B3GALT1: variants seen among roughly 807,000 people sequenced by gnomAD.
B3GALT1 encodes the protein beta-1,3-galactosyltransferase 1, also known as UDP-Gal:betaGlcNAc beta 1,3-galactosyltransferase, polypeptide 1.
A neutral mutation model predicts 23.2 loss-of-function variants in B3GALT1; 10 were observed. The ratio of observed to expected loss-of-function variants is 0.43; its 90% CI spans 0.27 to 0.73. The LOEUF (loss-of-function observed/expected upper bound fraction) is 0.73, where lower values mean the gene tolerates loss of function less well. B3GALT1 is among the 30% of genes least tolerant of loss of function. The probability of loss-of-function intolerance (pLI) is 0.21; values close to 1 mark genes in which losing one functional copy is unlikely to be tolerated. For missense variants in B3GALT1, 299 were observed against 405.4 expected (o/e 0.74, Z 2.25); for synonymous variants, 156 against 141.5 (o/e 1.10, Z -0.73).
At chr2:167,452,100 G>A (rs150584238) in intron 1 of B3GALT1, among the ~76,000 whole-genome samples, 1 of 152,180 alleles carries the variant, frequency 6.6e-6, no homozygotes, top group Non-Finnish European at 1.5e-5. Context: ...CCGGGCTACC[G>A]GTTTCCCAGC....
intron 1 of B3GALT1, among the ~76,000 whole-genome samples, chr2:167,389,255 T>C (rs1294291426): frequency 6.6e-6 from 1 of 152,226 alleles, no homozygotes; most frequent in Non-Finnish European, 1.5e-5. Flanking sequence ...TTCAGTATCA[T>C]AGTTCTTAAA....
intron 3 of B3GALT1, among the ~76,000 whole-genome samples, chr2:167,667,954 A>T (rs915954714): frequency 1.3e-5 from 2 of 152,180 alleles, no homozygotes; most frequent in Middle Eastern, 3.2e-3. Flanking sequence ...AGCTTGTCAA[A>T]GTCATTCTCC....
intron 3 of B3GALT1, among the ~76,000 whole-genome samples, chr2:167,670,222 A>AGAG (rs1338824367): frequency 6.6e-6 from 1 of 152,204 alleles, no homozygotes; most frequent in Non-Finnish European, 1.5e-5. Context: ...GGAACACTTC[A>AGAG]GAGCACTACC....
intron 2 of B3GALT1, among the ~76,000 whole-genome samples, chr2:167,561,880 A>C (rs951853354): frequency 6.6e-6 from 1 of 152,242 alleles, no homozygotes; most frequent in Non-Finnish European, 1.5e-5. Flanking sequence ...CAGAGGTACA[A>C]GGAGGAACTG....
At chr2:167,434,689 G>A (rs1204156779) in intron 1 of B3GALT1, among the ~76,000 whole-genome samples, 1 of 149,868 alleles carries the variant, frequency 6.7e-6, no homozygotes, top group Non-Finnish European at 1.5e-5. Flanking sequence ...TGTCTCTAAA[G>A]CATAACTTAA....
chr2:167,650,803 C>T (rs1457241327), intron 3 of B3GALT1, among the ~76,000 whole-genome samples: 1 of 152,104 alleles, frequency 6.6e-6, no homozygotes, highest in East Asian at 1.9e-4. Flanking sequence ...TTTCTTCTTC[C>T]ATCTTCAAAG....
At chr2:167,455,261 G>A (rs1178728268) in intron 1 of B3GALT1, among the ~76,000 whole-genome samples, 2 of 152,280 alleles carry the variant, frequency 1.3e-5, no homozygotes, top group East Asian at 1.9e-4. Flanking sequence ...CAACTGGAAC[G>A]AGATTAGCTT....
chr2:167,559,773 T>C (rs950179894), intron 2 of B3GALT1, among the ~76,000 whole-genome samples: 4 of 151,992 alleles, frequency 2.6e-5, no homozygotes, highest in African/African-American at 7.2e-5. Flanking sequence ...TAAAAAGAAA[T>C]GAACAAAGCC....
intron 4 of B3GALT1, among the ~76,000 whole-genome samples, chr2:167,838,403 A>T (rs1383962506): frequency 6.6e-6 from 1 of 152,304 alleles, no homozygotes; most frequent in East Asian, 1.9e-4. Context: ...AAACACCTCT[A>T]CGGAAATAAA....
At chr2:167,565,108 A>C (rs1407403211) in intron 2 of B3GALT1, among the ~76,000 whole-genome samples, 1 of 152,206 alleles carries the variant, frequency 6.6e-6, no homozygotes, top group Non-Finnish European at 1.5e-5. Context: ...TTCAAACCAT[A>C]CTACAAGGCT....
intron 3 of B3GALT1, among the ~76,000 whole-genome samples, chr2:167,664,433 T>A (rs1229384629): frequency 2.0e-5 from 3 of 152,102 alleles, no homozygotes; most frequent in Middle Eastern, 3.4e-3. Context: ...TAGGATTGAC[T>A]TGGCAATGCG....
chr2:167,534,457 C>T (rs182314223), intron 2 of B3GALT1, among the ~76,000 whole-genome samples: 4 of 152,210 alleles, frequency 2.6e-5, no homozygotes, highest in East Asian at 3.9e-4. Context: ...AATTTGTTCA[C>T]GGTTTGCCCT....
intron 1 of B3GALT1, among the ~76,000 whole-genome samples, chr2:167,342,600 AAAG>A (rs1404851719): frequency 2.9e-4 from 44 of 151,394 alleles, no homozygotes; most frequent in African/African-American, 1.0e-3. Flanking sequence ...AAAAAAAAAA[AAAG>A]AAAAAAAAAC....
At chr2:167,729,776 A>C (rs1300802702) in intron 3 of B3GALT1, among the ~76,000 whole-genome samples, 1 of 152,032 alleles carries the variant, frequency 6.6e-6, no homozygotes, top group Non-Finnish European at 1.5e-5. Context: ...CTCAAAATAG[A>C]TTCAAGCAGA....
chr2:167,752,116 G>A (rs990684360), intron 3 of B3GALT1, among the ~76,000 whole-genome samples: 1 of 151,886 alleles, frequency 6.6e-6, no homozygotes, highest in Non-Finnish European at 1.5e-5. Context: ...ATTGTAAAAA[G>A]ATTTTATGGG....
chr2:167,773,114 A>G (rs957771620), intron 3 of B3GALT1, among the ~76,000 whole-genome samples: 7 of 152,290 alleles, frequency 4.6e-5, no homozygotes, highest in African/African-American at 1.7e-4. Flanking sequence ...TTAATTCAAT[A>G]AGTGTTTTTA....
chr2:167,372,803 G>T (rs567183416), intron 1 of B3GALT1, among the ~76,000 whole-genome samples: 1 of 152,018 alleles, frequency 6.6e-6, no homozygotes, highest in East Asian at 1.9e-4. Context: ...ACTAGAAAAC[G>T]TTGCTGAATA....
intron 1 of B3GALT1, among the ~76,000 whole-genome samples, chr2:167,332,943 A>AT (rs1696997562): frequency 6.6e-6 from 1 of 152,146 alleles, no homozygotes; most frequent in African/African-American, 2.4e-5. Flanking sequence ...GTGCAGATAT[A>AT]TTTTTTATTT....
At chr2:167,452,195 C>T (rs1375101832) in intron 1 of B3GALT1, among the ~76,000 whole-genome samples, 2 of 152,124 alleles carry the variant, frequency 1.3e-5, no homozygotes, top group African/African-American at 4.8e-5. Context: ...GATTCACTCC[C>T]TCCCTCAACT....
Sources: allele counts gnomAD v4.1 joint callset (sites outside exome capture counted in the v4.1 genomes callset), GRCh38; gene constraint gnomAD v4.1.1; transcripts MANE v1.5; gene names NCBI Gene and HGNC (gene_info 2026-07-23, HGNC 2026-07-21).